SLC24A2: variants seen among roughly 807,000 people sequenced by gnomAD.
SLC24A2 encodes the protein solute carrier family 24 member 2, also known as sodium/potassium/calcium exchanger 2.
In SLC24A2, 36 loss-of-function variants were observed where a neutral mutation model predicts 62.0. The observed-to-expected ratio is 0.58, with a 90% CI of 0.44 to 0.77. The LOEUF (loss-of-function observed/expected upper bound fraction) is 0.77. Ranked by LOEUF, SLC24A2 falls within the 30% of genes least tolerant of loss-of-function variation. The pLI is 0.00. For synonymous variants in SLC24A2, 358 were observed against 294.0 expected (o/e 1.22, Z -2.23); for missense variants, 846 against 817.9 (o/e 1.03, Z -0.42).
At chr9:20,223,230 T>C in the SLC24A2 span, among the ~76,000 whole-genome samples, 2 of 152,138 alleles carry the variant, frequency 1.3e-5, no homozygotes, top group African/African-American at 4.8e-5. Context: ...TAAAACAGCA[T>C]TGAAGTACAT....
chr9:19,703,355 G>C (rs1319122855), intron 2 of SLC24A2, among the ~76,000 whole-genome samples: 1 of 152,156 alleles, frequency 6.6e-6, no homozygotes, highest in East Asian at 1.9e-4. Flanking sequence ...CAAATCCTGT[G>C]CTTTCTCTAT....
At chr9:20,285,755 T>A in the SLC24A2 span, among the ~76,000 whole-genome samples, 1 of 152,168 alleles carries the variant, frequency 6.6e-6, no homozygotes, top group East Asian at 1.9e-4. Context: ...ATTACGATCA[T>A]AAGGGTGGGG....
the SLC24A2 span, among the ~76,000 whole-genome samples, chr9:20,148,728 G>A: frequency 2.0e-5 from 3 of 151,974 alleles, no homozygotes; most frequent in Non-Finnish European, 4.4e-5. Flanking sequence ...ACTAAACAAA[G>A]AGAAATAGCA....
chr9:19,579,312 A>G (rs1239303123), intron 5 of SLC24A2, among the ~76,000 whole-genome samples: 2 of 152,204 alleles, frequency 1.3e-5, no homozygotes, highest in Non-Finnish European at 2.9e-5. Flanking sequence ...TGTGGATGCA[A>G]GATACTTTCC....
At chr9:19,581,569 G>C (rs1163212898) in intron 5 of SLC24A2, among the ~76,000 whole-genome samples, 1 of 152,224 alleles carries the variant, frequency 6.6e-6, no homozygotes, top group African/African-American at 2.4e-5. Context: ...TAAACAGCAA[G>C]TGCTTAGGAA....
At chr9:20,157,933 TG>T in the SLC24A2 span, among the ~76,000 whole-genome samples, 1 of 151,456 alleles carries the variant, frequency 6.6e-6, no homozygotes, top group Admixed American at 6.6e-5. Flanking sequence ...AGCAACCCAG[TG>T]CTATGCAAAG....
chr9:19,990,635 C>T, the SLC24A2 span, among the ~76,000 whole-genome samples: 1 of 116,900 alleles, frequency 8.6e-6, no homozygotes, highest in African/African-American at 3.1e-5. Flanking sequence ...AAAAACAAAA[C>T]AAAAAAAAAA....
chr9:19,598,538 C>A (rs527701124), intron 4 of SLC24A2, among the ~76,000 whole-genome samples: 1 of 152,010 alleles, frequency 6.6e-6, no homozygotes, highest in African/African-American at 2.4e-5. Context: ...TATGTTTCTA[C>A]GAAGAGCTGC....
the SLC24A2 span, among the ~76,000 whole-genome samples, chr9:20,297,784 G>A: frequency 6.6e-6 from 1 of 152,158 alleles, no homozygotes; most frequent in East Asian, 1.9e-4. Flanking sequence ...ACCTTTTTAG[G>A]TTACAGACAG....
chr9:19,671,964 G>C (rs1268019289), intron 2 of SLC24A2, among the ~76,000 whole-genome samples: 1 of 145,948 alleles, frequency 6.9e-6, no homozygotes, highest in South Asian at 2.2e-4. Context: ...CTAGTATTTT[G>C]TTAAGGATTT....
rs529623212 is a variant in SLC24A2, at chr9:19,748,282, GA to G, written c.930+37654del. Among the ~76,000 whole-genome samples the G allele has an allele frequency of 3.4e-3, 525 of 152,270 alleles. 1 individual carries two copies. Among genetic ancestry groups the G allele is most frequent in the Non-Finnish European group, 4.8e-3 (328 of 68,018 alleles). On this transcript the variant is annotated intron_variant, in intron 2 of 10. Transcript: ENST00000341998. ...TGCCTGAGTACTCCTATTAATACAA[GA>G]AAAAATTCCCATTGCACTCATGCAA... is the stretch of plus-strand genomic sequence containing the variant.
chr9:19,706,580 G>A (rs1300423860), intron 2 of SLC24A2, among the ~76,000 whole-genome samples: 9 of 151,876 alleles, frequency 5.9e-5, no homozygotes, highest in South Asian at 2.1e-4. Context: ...GGGTTTCACC[G>A]TGTTAGCCAG....
At chr9:19,902,576 A>G in the SLC24A2 span, among the ~76,000 whole-genome samples, 4 of 152,210 alleles carry the variant, frequency 2.6e-5, no homozygotes, top group Non-Finnish European at 4.4e-5. Flanking sequence ...TTAGGTCCAC[A>G]GGATTAGCCC....
the SLC24A2 span, among the ~76,000 whole-genome samples, chr9:19,971,322 G>T: frequency 6.6e-6 from 1 of 152,110 alleles, no homozygotes; most frequent in African/African-American, 2.4e-5. Context: ...TGTCATTTGT[G>T]GTGGTCTGTT....
chr9:19,575,884 T>A (rs1467985092), intron 6 of SLC24A2, among the ~76,000 whole-genome samples: 1 of 152,250 alleles, frequency 6.6e-6, no homozygotes, highest in African/African-American at 2.4e-5. Flanking sequence ...CGGTAGACTT[T>A]CATGGTGTGG....
chr9:19,840,293 G>A, the SLC24A2 span, among the ~76,000 whole-genome samples: 1 of 152,054 alleles, frequency 6.6e-6, no homozygotes, highest in African/African-American at 2.4e-5. Flanking sequence ...TTATAACTGC[G>A]ACTCTTTCTA....
chr9:20,255,394 G>A, the SLC24A2 span, among the ~76,000 whole-genome samples: 1 of 152,188 alleles, frequency 6.6e-6, no homozygotes, highest in East Asian at 1.9e-4. Context: ...TCCACAATAA[G>A]CTACCCCCAA....
the SLC24A2 span, among the ~76,000 whole-genome samples, chr9:19,825,365 G>A: frequency 1.3e-5 from 2 of 152,254 alleles, no homozygotes; most frequent in African/African-American, 4.8e-5. Flanking sequence ...TGCCAGGTGG[G>A]CACTGACAAG....
chr9:19,744,518 GTTGT>G (rs1229182605), intron 2 of SLC24A2, among the ~76,000 whole-genome samples: 18 of 152,240 alleles, frequency 1.2e-4, no homozygotes, highest in Middle Eastern at 3.4e-3. Context: ...CCAGACAGGG[GTTGT>G]TTAACCCAAA....
Sources: gnomAD v4.1 joint callset for allele counts (sites outside exome capture counted in the v4.1 genomes callset) on GRCh38, gnomAD v4.1.1 for gene constraint, MANE v1.5 for transcripts, NCBI Gene and HGNC (gene_info 2026-07-23, HGNC 2026-07-21) for gene names.